The following CMSS1 variants were observed in gnomAD, a reference collection of about 807,000 sequenced individuals.
CMSS1 encodes cms1 ribosomal small subunit homolog.
In CMSS1, 33 loss-of-function variants were observed where a neutral mutation model predicts 43.5. The observed-to-expected ratio is 0.76, with a 90% confidence interval of 0.57 to 1.01. The LOEUF (loss-of-function observed/expected upper bound fraction) is 1.01, where lower values mean the gene tolerates loss of function less well. CMSS1 is among the 50% of genes least tolerant of loss of function. CMSS1 has a pLI of 0.00. For synonymous variants in CMSS1, 115 were observed against 117.2 expected (o/e 0.98, Z 0.12); for missense variants, 313 against 326.4 (o/e 0.96, Z 0.32).
In CMSS1 at chr3:100,063,939, G is replaced by T. The variant is rs148968166; in HGVS notation, c.65-83034G>T. ...CACATGTTTACCCCAAGACTGTCAG[G>T]AGTACATACCGTCAGCCAAACCCAT... On this transcript the variant is annotated intron_variant, in intron 1 of 9. Transcript: ENST00000421999. 1.1e-3 allele frequency among the ~76,000 whole-genome samples: 170 copies of T among 152,286 alleles called. 1 individual carries two copies. The highest frequency in any genetic ancestry group is 4.0e-3 in the African/African-American group (167 of 41,556).
rs145579308 is a variant in CMSS1 at position 100,050,951 on chromosome 3, A to G, written c.65-96022A>G. Among the ~76,000 whole-genome samples, 56 of 152,346 alleles carry G rather than the reference A, an allele frequency of 3.7e-4. 1 individual carries two copies. Among genetic ancestry groups the G allele is most frequent in the Middle Eastern group, 3.4e-3 (1 of 294 alleles). On this transcript the variant is annotated intron_variant, in intron 1 of 9. Coordinates refer to ENST00000421999, the MANE Select transcript of CMSS1 (RefSeq NM_032359.4). ...TCTTCAAGAATTTGATCCAAAAGTC[A>G]GCTCTATAATGCCCTCTACCAAACT... is the stretch of plus-strand genomic sequence containing the variant.
intron 1 of CMSS1, among the ~76,000 whole-genome samples, chr3:99,968,417 A>T (rs1272632942): frequency 6.6e-6 from 1 of 150,530 alleles, no homozygotes; most frequent in Non-Finnish European, 1.5e-5. Flanking sequence ...CTGAAAAACT[A>T]TGTTTTTGGG....
intron 1 of CMSS1, among the ~76,000 whole-genome samples, chr3:99,851,924 G>A (rs989968561): frequency 6.6e-6 from 1 of 152,184 alleles, no homozygotes; most frequent in Non-Finnish European, 1.5e-5. Flanking sequence ...TTTGAGAAGA[G>A]CATGCGGTTT....
At chr3:100,038,797 C>T (rs1313999564) in intron 1 of CMSS1, among the ~76,000 whole-genome samples, 1 of 152,146 alleles carries the variant, frequency 6.6e-6, no homozygotes, top group Non-Finnish European at 1.5e-5. Context: ...CCACGGTGCC[C>T]AGCTGCTCCT....
intron 1 of CMSS1, among the ~76,000 whole-genome samples, chr3:99,922,949 G>T (rs1316316523): frequency 6.6e-6 from 1 of 152,062 alleles, no homozygotes; most frequent in Non-Finnish European, 1.5e-5. Context: ...AAGTTCCTCA[G>T]TATTTTCTTC....
intron 1 of CMSS1, among the ~76,000 whole-genome samples, chr3:100,046,026 CTTTG>C (rs1559738171): frequency 6.6e-6 from 1 of 152,094 alleles, no homozygotes; most frequent in African/African-American, 2.4e-5. Flanking sequence ...CACATGCTTG[CTTTG>C]TTTGTTTATT....
chr3:100,001,212 A>T (rs1159965954), intron 1 of CMSS1, among the ~76,000 whole-genome samples: 4 of 152,238 alleles, frequency 2.6e-5, no homozygotes, highest in African/African-American at 9.6e-5. Context: ...CACCTATTTA[A>T]TAGTATACTA....
chr3:99,978,964 G>T (rs1314994750), intron 1 of CMSS1, among the ~76,000 whole-genome samples: 3 of 152,190 alleles, frequency 2.0e-5, no homozygotes, highest in Middle Eastern at 3.4e-3. Context: ...GATATGGAGA[G>T]GTTGGTTAAC....
intron 1 of CMSS1, among the ~76,000 whole-genome samples, chr3:99,960,889 CTG>C (rs1448635412): frequency 1.3e-5 from 2 of 152,132 alleles, no homozygotes; most frequent in Non-Finnish European, 2.9e-5. Context: ...TAAATGTACT[CTG>C]TGTGTTTGGC....
intron 1 of CMSS1, among the ~76,000 whole-genome samples, chr3:99,837,209 G>A (rs1399808984): frequency 6.6e-6 from 1 of 152,090 alleles, no homozygotes; most frequent in East Asian, 1.9e-4. Context: ...AGCATGATCC[G>A]TACTCACTGA....
chr3:100,142,824 C>T (rs1343712420), intron 1 of CMSS1, among the ~76,000 whole-genome samples: 3 of 152,052 alleles, frequency 2.0e-5, no homozygotes, highest in Non-Finnish European at 2.9e-5. Flanking sequence ...ATAATAAAAA[C>T]GTAAATAAAG....
intron 1 of CMSS1, among the ~76,000 whole-genome samples, chr3:100,023,967 G>A (rs1203779555): frequency 6.6e-6 from 1 of 152,146 alleles, no homozygotes; most frequent in East Asian, 1.9e-4. Context: ...TGGGAACTTA[G>A]TAAATACCAA....
At chr3:99,926,564 T>C (rs1193421426) in intron 1 of CMSS1, among the ~76,000 whole-genome samples, 1 of 152,232 alleles carries the variant, frequency 6.6e-6, no homozygotes, top group African/African-American at 2.4e-5. Flanking sequence ...AGGGAAGTTA[T>C]TAGTTGACTT....
intron 1 of CMSS1, among the ~76,000 whole-genome samples, chr3:99,970,482 T>C (rs954180659): frequency 2.6e-5 from 4 of 152,270 alleles, no homozygotes; most frequent in African/African-American, 9.6e-5. Flanking sequence ...CCCACCCTAT[T>C]TGTGTTCGCT....
At chr3:99,995,922 C>T (rs1031085390) in intron 1 of CMSS1, among the ~76,000 whole-genome samples, 4 of 152,208 alleles carry the variant, frequency 2.6e-5, no homozygotes, top group South Asian at 2.1e-4. Context: ...GGGCTGATGA[C>T]TGGAGGGGCT....
intron 1 of CMSS1, among the ~76,000 whole-genome samples, chr3:99,841,540 A>C (rs1332484404): frequency 6.6e-6 from 1 of 152,240 alleles, no homozygotes; most frequent in Non-Finnish European, 1.5e-5. Flanking sequence ...CAAAAGCCTC[A>C]GGAATGGCTG....
At chr3:100,081,689 T>C (rs1271937669) in intron 1 of CMSS1, among the ~76,000 whole-genome samples, 2 of 152,236 alleles carry the variant, frequency 1.3e-5, no homozygotes, top group African/African-American at 2.4e-5. Flanking sequence ...TTTTAAAATA[T>C]ATCCATCAAT....
intron 1 of CMSS1, among the ~76,000 whole-genome samples, chr3:99,845,044 G>T (rs1305900008): frequency 6.6e-6 from 1 of 152,120 alleles, no homozygotes; most frequent in Non-Finnish European, 1.5e-5. Context: ...GTGTCATGAA[G>T]ACCCCAAGCC....
chr3:100,069,038 T>A (rs2065716567), intron 1 of CMSS1, among the ~76,000 whole-genome samples: 1 of 152,138 alleles, frequency 6.6e-6, no homozygotes. Flanking sequence ...CCCACGTGAT[T>A]TGGGCACTTC....
Sources: gnomAD v4.1 joint callset for allele counts (sites outside exome capture counted in the v4.1 genomes callset) on GRCh38, gnomAD v4.1.1 for gene constraint, MANE v1.5 for transcripts, NCBI Gene and HGNC (gene_info 2026-07-23, HGNC 2026-07-21) for gene names.